KIF21A: variants seen among roughly 807,000 people sequenced by gnomAD.
KIF21A encodes kinesin-like protein KIF21A.
Under a neutral mutation model 202.9 loss-of-function variants are expected in KIF21A, and 114 were observed. The observed-to-expected ratio is 0.56, with a 90% CI of 0.48 to 0.66. The LOEUF (loss-of-function observed/expected upper bound fraction) is 0.66. KIF21A is among the 30% of genes least tolerant of loss of function. The pLI, the probability that KIF21A is intolerant of heterozygous loss-of-function variation, is 0.00. For missense variants in KIF21A, 1,677 were observed against 1,994.9 expected (o/e 0.84, Z 3.04); for synonymous variants, 667 against 670.8 (o/e 0.99, Z 0.09).
chr12:39,402,794 T>G (rs1390535236), intron 1 of KIF21A, among the ~76,000 whole-genome samples: 1 of 152,200 alleles, frequency 6.6e-6, no homozygotes, highest in Non-Finnish European at 1.5e-5. Flanking sequence ...GTTAGCGTAT[T>G]TTATGTGTGG....
At chr12:39,394,802 TC>T (rs1381387905) in intron 1 of KIF21A, among the ~76,000 whole-genome samples, 1 of 152,130 alleles carries the variant, frequency 6.6e-6, no homozygotes, top group East Asian at 1.9e-4. Context: ...TTCATCTCCA[TC>T]CCAATCTCTT....
chr12:39,414,308 GA>G (rs1160584413), intron 1 of KIF21A, among the ~76,000 whole-genome samples: 1 of 152,148 alleles, frequency 6.6e-6, no homozygotes, highest in African/African-American at 2.4e-5. Context: ...GCAGAAAGCA[GA>G]CCAAAAGTGC....
intron 32 of KIF21A, among the ~76,000 whole-genome samples, chr12:39,310,678 C>A (rs79067965): frequency 6.6e-6 from 1 of 152,016 alleles, no homozygotes; most frequent in Non-Finnish European, 1.5e-5. Flanking sequence ...AATATCCAAA[C>A]CATCCTATAC....
intron 11 of KIF21A, among the ~76,000 whole-genome samples, chr12:39,348,782 TA>T (rs543689871): frequency 1.4e-4 from 20 of 141,386 alleles, no homozygotes; most frequent in South Asian, 4.5e-4. Context: ...CACAACAAGA[TA>T]AAAAAAAAAA....
chr12:39,416,252 T>C (rs552355717), intron 1 of KIF21A, among the ~76,000 whole-genome samples: 1 of 152,276 alleles, frequency 6.6e-6, no homozygotes, highest in African/African-American at 2.4e-5. Context: ...GTCTCTGGTT[T>C]GTCATCTTTA....
intron 1 of KIF21A, among the ~76,000 whole-genome samples, chr12:39,405,786 T>C (rs1952536500): frequency 6.6e-6 from 1 of 152,174 alleles, no homozygotes; most frequent in African/African-American, 2.4e-5. Flanking sequence ...GAAGACTGCC[T>C]GTTCACTGAA....
At position 39,442,220 on chromosome 12, in the gene KIF21A, C is replaced by G. The variant is rs1458618602; in HGVS notation, c.44+707G>C. ...TGTCAGTATGTTTCACACAGTCACC[C>G]ATTTCACCCTTCCTCTGGCTAAAGA... On this transcript the variant is annotated intron_variant, in intron 1 of 37. Coordinates refer to ENST00000361418, the MANE Select transcript of KIF21A (RefSeq NM_001173464.2). The surrounding 1 kb of genome is among the most constrained non-coding windows in gnomAD (Gnocchi z 5.0). Among the ~76,000 whole-genome samples, 1 of 152,150 alleles carries G rather than the reference C, an allele frequency of 6.6e-6. No individual in the cohort carries two copies. Among genetic ancestry groups the G allele is most frequent in the Non-Finnish European group, 1.5e-5 (1 of 68,030 alleles).
intron 24 of KIF21A, among the ~76,000 whole-genome samples, chr12:39,327,953 C>G (rs1219599809): frequency 6.6e-6 from 1 of 152,138 alleles, no homozygotes; most frequent in Non-Finnish European, 1.5e-5. Context: ...GGAAGTTAAC[C>G]AAACAGTTGG....
intron 24 of KIF21A, among the ~76,000 whole-genome samples, chr12:39,327,010 T>C (rs900587107): frequency 6.6e-6 from 1 of 151,946 alleles, no homozygotes; most frequent in Non-Finnish European, 1.5e-5. Flanking sequence ...CATATAAAAC[T>C]GTTAGGAAGT....
In KIF21A at chr12:39,320,932, CAAAAAAAAAAA is replaced by C. The variant is rs59613512; in HGVS notation, c.3672-930_3672-920del. Among the ~76,000 whole-genome samples the C allele has an allele frequency of 1.5e-3, 24 of 16,140 alleles. No homozygotes were observed. In the East Asian group the frequency reaches 0.018, roughly 12 times the overall value. 10.6% of individuals were successfully genotyped at this position (16,140 alleles called of 152,430 possible). On this transcript the variant is annotated intron_variant, in intron 27 of 37. Transcript: ENST00000361418. ...TCTGGGCAACAGAGCAAGACTCTGC[CAAAAAAAAAAA>C]AAAAAAAAAAAAAAAAGTCTGGGAA...
chr12:39,426,337 GC>G (rs1954748856), intron 1 of KIF21A, among the ~76,000 whole-genome samples: 1 of 151,648 alleles, frequency 6.6e-6, no homozygotes, highest in Non-Finnish European at 1.5e-5. Flanking sequence ...ACGCATGTAT[GC>G]GTGTACTCAT....
In KIF21A at chr12:39,442,922, C is replaced by G; in HGVS notation, c.44+5G>C. ...CGCCGCCCGCCGCCGGCAGACTGTC[C>G]TCACCTGACAGCCACCCGCACGGAG... On this transcript the variant is annotated splice_donor_5th_base_variant and intron_variant, in intron 1 of 37. Coordinates refer to ENST00000361418, the MANE Select transcript of KIF21A (RefSeq NM_001173464.2). This position sits in a 1 kb window ranked among gnomAD's most constrained non-coding sequence, Gnocchi z 5.0. The G allele has an allele frequency of 6.6e-7, 1 of 1,525,524 alleles. No individual in the cohort carries two copies. Among genetic ancestry groups the G allele is most frequent in the Non-Finnish European group, 8.7e-7 (1 of 1,143,106 alleles). The allele number at this position is 1,525,524 out of a possible 1,614,324, so 94.5% of individuals were successfully genotyped here. A position where few individuals can be genotyped will look rare whatever the true frequency, so the allele number is the denominator to read the frequency against.
intron 11 of KIF21A, among the ~76,000 whole-genome samples, chr12:39,348,043 T>A (rs1948052083): frequency 6.6e-6 from 1 of 152,092 alleles, no homozygotes; most frequent in South Asian, 2.1e-4. Context: ...TAGAGACTTT[T>A]GTTAGCTTAT....
Position 39,332,230 on chromosome 12 carries a change from T to C in KIF21A, c.3035A>G (p.Gln1012Arg). The C allele has an allele frequency of 1.9e-6, 3 of 1,613,836 alleles. No homozygotes were observed. The highest frequency in any genetic ancestry group is 2.5e-6 in the Non-Finnish European group (3 of 1,179,880). ...ATTACAAACCTTTGCTTCTTCCATC[T>C]GCATTATGTTGGCCTGACAATCAGA... ...SISDCQANIM[Q>R]MEEAKEEGET... The change falls in exon 21 of 38, where the codon CAG becomes CGG. Residue 1012 changes from glutamine to arginine, a missense_variant. This residue lies in a region of KIF21A where 705 missense variants were observed against 791.9 expected (regional missense o/e 0.89). Coordinates refer to ENST00000361418, the MANE Select transcript of KIF21A (RefSeq NM_001173464.2).
intron 29 of KIF21A, 129 bp downstream of exon 29, chr12:39,317,944 A>G (rs1439853281): frequency 1.1e-6 from 1 of 950,802 alleles, no homozygotes; most frequent in African/African-American, 1.6e-5. Context: ...AAGATGCATA[A>G]AATATGGCAA....
intron 1 of KIF21A, among the ~76,000 whole-genome samples, chr12:39,411,519 G>A (rs908990019): frequency 6.6e-6 from 1 of 151,906 alleles, no homozygotes; most frequent in African/African-American, 2.4e-5. Context: ...AATATAACAC[G>A]TATACATTTA....
At chr12:39,366,568 ATCC>A (rs1708258965) in intron 5 of KIF21A, 51 bp from the exon 6 acceptor site, 1 of 1,351,258 alleles carries the variant, frequency 7.4e-7, no homozygotes, top group Non-Finnish European at 1.0e-6. Context: ...AACATTAAAT[ATCC>A]TCCTAACCTA....
intron 8 of KIF21A, 83 bp from the exon 9 acceptor site, chr12:39,357,520 C>G: frequency 1.7e-6 from 2 of 1,190,336 alleles, no homozygotes; most frequent in Non-Finnish European, 2.5e-6. Flanking sequence ...TATAACTATA[C>G]AATTCTCTAA....
chr12:39,363,067 G>T, intron 7 of KIF21A, 31 bp downstream of exon 7: 1 of 1,300,898 alleles, frequency 7.7e-7, no homozygotes, highest in Non-Finnish European at 1.1e-6. Flanking sequence ...ATAATCAAAA[G>T]TCTGAGTAGA....
Sources: gnomAD v4.1 joint callset for allele counts (sites outside exome capture counted in the v4.1 genomes callset) on GRCh38, gnomAD v4.1.1 for gene constraint, gnomAD v4.1.1 regional missense constraint, Gnocchi (gnomAD v3.1) non-coding constraint, MANE v1.5 for transcripts, NCBI Gene and HGNC (gene_info 2026-07-23, HGNC 2026-07-21) for gene names.